GPR37L1: variants seen among roughly 807,000 people sequenced by gnomAD.
The protein encoded by GPR37L1 is G protein-coupled receptor 37-like 1.
GPR37L1 carries 18 observed loss-of-function variants against 18.0 expected under a neutral mutation model. The observed-to-expected ratio is 1.00, with a 90% CI of 0.69 to 1.49. GPR37L1 has a LOEUF of 1.49. Among genes scored for constraint, GPR37L1 ranks in the 40% most tolerant of loss-of-function variants. GPR37L1 has a pLI of 0.00. For missense variants in GPR37L1, 558 were observed against 615.1 expected, an observed-to-expected ratio of 0.91 and a Z score of 0.98; for synonymous variants, 256 against 273.9, an observed-to-expected ratio of 0.93 and a Z score of 0.65.
chr1:202,127,824 G>A lies in GPR37L1; in HGVS notation c.714G>A (p.Lys238=), dbSNP rs750823234. ...RFHVATSTLP[K]VRPIERCQSI... is the part of the protein sequence containing the mutation. ...ACGTGGCCACCAGCACCCTGCCCAA[G>A]GTGAGGCCCATCGAGCGGTGCCAAT... The change falls in exon 2 of 2, where the codon AAG becomes AAA. Residue 238 remains lysine, a synonymous_variant. Coordinates refer to ENST00000367282, the MANE Select transcript of GPR37L1 (RefSeq NM_004767.5). 2 of 1,613,880 alleles carry A rather than the reference G, an allele frequency of 1.2e-6. No individual in the cohort carries two copies. Among genetic ancestry groups the A allele is most frequent in the Admixed American group, 3.3e-5 (2 of 60,016 alleles).
chr1:202,128,002 C>T lies in GPR37L1; in HGVS notation c.892C>T (p.Leu298=). The T allele has an allele frequency of 6.2e-7, 1 of 1,614,170 alleles. No individual in the cohort carries two copies. Among genetic ancestry groups the T allele is most frequent in the South Asian group, 1.1e-5 (1 of 91,086 alleles). Residue 298 remains leucine, a synonymous_variant, in exon 2 of 2, where the codon CTG becomes TTG. Transcript: ENST00000367282. ...MKPSASLPES[L]YSLVMTYQNA... ...ACCCTCAGCCAGCCTGCCCGAGTCC[C>T]TGTATTCACTGGTGATGACCTACCA...
rs933384088 is a variant in GPR37L1, at chr1:202,132,171, C to A, written c.*3615C>A. On this transcript the variant is annotated 3_prime_UTR_variant, in exon 2 of 2. Coordinates refer to ENST00000367282, the MANE Select transcript of GPR37L1 (RefSeq NM_004767.5). Reference sequence around the variant, plus strand: ...AGGATCACAGGATCTGAGAAAGGCACCTTGGCCTGGAAACAGCCCCAGATG... The same window carrying A: ...AGGATCACAGGATCTGAGAAAGGCAACTTGGCCTGGAAACAGCCCCAGATG... 7.2e-5 allele frequency: 11 copies of A among 152,320 alleles called. No individual in the cohort carries two copies. The highest frequency in any genetic ancestry group is 1.3e-4 in the Non-Finnish European group (9 of 68,034). The allele number at this position is 152,320 out of a possible 1,614,324, so 9.4% of individuals were successfully genotyped here.
intron 1 of GPR37L1, among the ~76,000 whole-genome samples, chr1:202,125,725 C>G (rs897619723): frequency 6.6e-6 from 1 of 152,016 alleles, no homozygotes; most frequent in African/African-American, 2.4e-5. Flanking sequence ...CCCACAACAC[C>G]CTTCTTCTTT....
At position 202,128,245 on chromosome 1, in the gene GPR37L1, A is replaced by C; in HGVS notation, c.1135A>C (p.Asn379His). 6.2e-7 allele frequency: 1 copy of C among 1,613,934 alleles called. No individual in the cohort carries two copies. The highest frequency in any genetic ancestry group is 8.5e-7 in the Non-Finnish European group (1 of 1,179,998). Residue 379 changes from asparagine (N) to histidine (H), a missense_variant, in exon 2 of 2, where the codon AAC becomes CAC. Asn to His is a moderately conservative substitution (Grantham distance 68). Coordinates refer to ENST00000367282, the MANE Select transcript of GPR37L1 (RefSeq NM_004767.5). ...AFCTLPENVC[N>H]IVVAYLSTEL... ...CTGCACCCTCCCAGAGAACGTCTGC[A>C]ACATCGTGGTGGCCTACCTCTCCAC...
At chr1:202,126,452 C>T (rs1654661817) in intron 1 of GPR37L1, among the ~76,000 whole-genome samples, 1 of 151,484 alleles carries the variant, frequency 6.6e-6, no homozygotes, top group Non-Finnish European at 1.5e-5. Context: ...AAGCCTGAAG[C>T]CTGTGCCTCT....
chr1:202,124,597 G>C (rs1223177271), intron 1 of GPR37L1, among the ~76,000 whole-genome samples: 1 of 152,200 alleles, frequency 6.6e-6, no homozygotes, highest in Non-Finnish European at 1.5e-5. Flanking sequence ...TGGCTGCATG[G>C]AGTGTAATGG....
rs201148147 is a variant in GPR37L1, at chr1:202,122,956, A to G, written c.-8A>G. ...TTCCTGGGCTGGCTGTCTCCTGCTC[A>G]TCCAGCCATGCGGTGGCTGTGGCCC... On this transcript the variant is annotated 5_prime_UTR_variant, in exon 1 of 2. Transcript: ENST00000367282. 1 of 1,612,232 alleles carries G rather than the reference A, an allele frequency of 6.2e-7. No homozygotes were observed. The highest frequency in any genetic ancestry group is 1.3e-5 in the African/African-American group (1 of 74,992).
chr1:202,124,266 T>C (rs1368979979), intron 1 of GPR37L1, among the ~76,000 whole-genome samples: 1 of 152,198 alleles, frequency 6.6e-6, no homozygotes, highest in Non-Finnish European at 1.5e-5. Context: ...AATGGGGGGC[T>C]CTAGTCTTAG....
rs1209371305 is a variant in GPR37L1, at chr1:202,123,645, G to A, written c.630+52G>A. On this transcript the variant is annotated intron_variant, in intron 1 of 1. Transcript: ENST00000367282. Reference sequence around the variant, plus strand: ...GCTGGGAGGCTGCAATCCAGGGAAGGGACTCAAAGTCTCCATCAGGTCTTT... The same window carrying A: ...GCTGGGAGGCTGCAATCCAGGGAAGAGACTCAAAGTCTCCATCAGGTCTTT... 3 of 1,485,338 alleles carry A rather than the reference G, an allele frequency of 2.0e-6. No homozygotes were observed. The South Asian group carries it at 4.0e-5, about 20-fold the overall frequency. The allele number at this position is 1,485,338 out of a possible 1,614,324, so 92.0% of individuals were successfully genotyped here.
chr1:202,128,941 C>T lies in GPR37L1; in HGVS notation c.*385C>T, dbSNP rs1654757070. On this transcript the variant is annotated 3_prime_UTR_variant, in exon 2 of 2. Transcript: ENST00000367282. ...CCAGGCATCATCCTCCTACCACCAA[C>T]CTGGGGCCCCATCTTGGAATGGGGG... The T allele has an allele frequency of 5.7e-6, 1 of 174,858 alleles. No individual in the cohort carries two copies. The highest frequency in any genetic ancestry group is 1.2e-5 in the Non-Finnish European group (1 of 83,610). 10.8% of individuals were successfully genotyped at this position (174,858 alleles called of 1,614,324 possible).
intron 1 of GPR37L1, among the ~76,000 whole-genome samples, chr1:202,123,969 C>T (rs1304952839): frequency 2.0e-5 from 3 of 152,138 alleles, no homozygotes; most frequent in African/African-American, 7.2e-5. Flanking sequence ...TTTGTTGTGA[C>T]TCCTCTTCTT....
At position 202,131,486 on chromosome 1, in the gene GPR37L1, G is replaced by A. The variant is rs961492232; in HGVS notation, c.*2930G>A. The stretch of plus-strand genomic sequence containing the variant: ...TTCAATTCTCTAGTGTTAGGAGCAG[G>A]CTTGGCCCAGGGATTCTTAAATGCA... On this transcript the variant is annotated 3_prime_UTR_variant, in exon 2 of 2. Coordinates refer to ENST00000367282, the MANE Select transcript of GPR37L1 (RefSeq NM_004767.5). 2.0e-5 allele frequency: 3 copies of A among 152,170 alleles called. No individual in the cohort carries two copies. The highest frequency in any genetic ancestry group is 2.4e-5 in the African/African-American group (1 of 41,420). The allele number at this position is 152,170 out of a possible 1,614,324, so 9.4% of individuals were successfully genotyped here. A position where few individuals can be genotyped will look rare whatever the true frequency, so the allele number is the denominator to read the frequency against.
rs144820477 is a variant in GPR37L1, at chr1:202,127,995, C to A, written c.885C>A (p.Pro295=). ...TCATGAAACCCTCAGCCAGCCTGCCCGAGTCCCTGTATTCACTGGTGATGA... is the reference window on the plus strand; with the variant it reads ...TCATGAAACCCTCAGCCAGCCTGCCAGAGTCCCTGTATTCACTGGTGATGA... ...SCIMKPSASL[P]ESLYSLVMTY... Residue 295 remains proline, a synonymous_variant, in exon 2 of 2, where the codon CCC becomes CCA. Coordinates refer to ENST00000367282, the MANE Select transcript of GPR37L1 (RefSeq NM_004767.5). 8 of 1,614,018 alleles carry A rather than the reference C, an allele frequency of 5.0e-6. No homozygotes were observed. In the Admixed American group the frequency reaches 1.0e-4, roughly 20 times the overall value.
intron 1 of GPR37L1, among the ~76,000 whole-genome samples, chr1:202,126,799 T>A (rs1026104474): frequency 6.6e-6 from 1 of 151,578 alleles, no homozygotes; most frequent in African/African-American, 2.4e-5. Flanking sequence ...CACAGCCAGG[T>A]CCTGGGCTTC....
chr1:202,126,834 C>CGTGTGT (rs1553315405), intron 1 of GPR37L1, among the ~76,000 whole-genome samples: 6 of 64,230 alleles, frequency 9.3e-5, no homozygotes, highest in South Asian at 7.3e-4. Flanking sequence ...GGAGCAGAAA[C>CGTGTGT]GTGCGTGTGT....
At chr1:202,124,180 T>C (rs908273542) in intron 1 of GPR37L1, among the ~76,000 whole-genome samples, 2 of 152,126 alleles carry the variant, frequency 1.3e-5, no homozygotes, top group African/African-American at 2.4e-5. Context: ...GGATTCTCAT[T>C]GTTATCGTTG....
At chr1:202,124,478 C>T (rs920603340) in intron 1 of GPR37L1, among the ~76,000 whole-genome samples, 1 of 152,214 alleles carries the variant, frequency 6.6e-6, no homozygotes, top group Non-Finnish European at 1.5e-5. Context: ...CATAGAGAGA[C>T]AACTTAAAAC....
chr1:202,124,618 G>A (rs772657822), intron 1 of GPR37L1, among the ~76,000 whole-genome samples: 46 of 152,176 alleles, frequency 3.0e-4, no homozygotes, highest in Non-Finnish European at 5.1e-4. Context: ...AGTGACTGTG[G>A]TCTCCCTGTG....
rs969709022 is a variant in GPR37L1 at position 202,133,435 on chromosome 1, G to C, written c.*4879G>C. 7.9e-5 allele frequency: 12 copies of C among 152,016 alleles called. No individual in the cohort carries two copies. Among genetic ancestry groups the C allele is most frequent in the African/African-American group, 2.7e-4 (11 of 41,376 alleles). The allele number at this position is 152,016 out of a possible 1,614,324, so 9.4% of individuals were successfully genotyped here. A position where few individuals can be genotyped will look rare whatever the true frequency, so the allele number is the denominator to read the frequency against. On this transcript the variant is annotated 3_prime_UTR_variant, in exon 2 of 2. Transcript: ENST00000367282. ...ACAAAACTGGTCATTTATTTTTTTT[G>C]TTGTCATTGTTATTAGGAAGCAAAA...
Sources: allele counts gnomAD v4.1 joint callset (sites outside exome capture counted in the v4.1 genomes callset), GRCh38; gene constraint gnomAD v4.1.1; transcripts MANE v1.5; gene names NCBI Gene and HGNC (gene_info 2026-07-23, HGNC 2026-07-21).